The following NCAPD2 variants were observed in gnomAD, a reference collection of about 807,000 sequenced individuals.
NCAPD2 encodes non-SMC condensin I complex subunit D2.
In NCAPD2, 100 loss-of-function variants were observed where a neutral mutation model predicts 164.5. That is an observed-to-expected ratio of 0.61 (90% confidence interval 0.52 to 0.72). NCAPD2 has a LOEUF of 0.72. NCAPD2 is among the 30% of genes least tolerant of loss of function. The pLI, the probability that NCAPD2 is intolerant of heterozygous loss-of-function variation, is 0.00. For missense variants in NCAPD2, 1,560 were observed against 1,749.2 expected, an observed-to-expected ratio of 0.89 and a Z score of 1.93; for synonymous variants, 585 against 642.6, an observed-to-expected ratio of 0.91 and a Z score of 1.36.
chr12:6,518,503 A>ATTT (rs1565544079), intron 13 of NCAPD2, among the ~76,000 whole-genome samples: 1 of 30,712 alleles, frequency 3.3e-5, no homozygotes, highest in African/African-American at 2.0e-4. Context: ...GCCGTCAACA[A>ATTT]GTTTTTTTTT....
chr12:6,521,524 G>C (rs1003641662), intron 14 of NCAPD2, among the ~76,000 whole-genome samples: 1 of 151,752 alleles, frequency 6.6e-6, no homozygotes, highest in Non-Finnish European at 1.5e-5. Flanking sequence ...CTCTACAAGG[G>C]ATACCAAAAA....
chr12:6,501,227 ATTTTTTTTTTTTTTT>A (rs71067121), intron 2 of NCAPD2, among the ~76,000 whole-genome samples: 68 of 69,216 alleles, frequency 9.8e-4, no homozygotes, highest in Non-Finnish European at 1.4e-3. Flanking sequence ...CGCCTGGCTA[ATTTTTTTTTTTTTTT>A]TTTTTTTTTT....
chr12:6,524,356 A>G (rs1464581907), intron 17 of NCAPD2, among the ~76,000 whole-genome samples: 1 of 152,074 alleles, frequency 6.6e-6, no homozygotes, highest in Admixed American at 6.6e-5. Context: ...ATTATCTGGA[A>G]AAGACCAGGC....
At chr12:6,524,754 T>C (rs1946300503) in intron 17 of NCAPD2, among the ~76,000 whole-genome samples, 1 of 152,174 alleles carries the variant, frequency 6.6e-6, no homozygotes, top group Non-Finnish European at 1.5e-5. Context: ...TCTAGGACTT[T>C]AACTGTGTTA....
intron 2 of NCAPD2, among the ~76,000 whole-genome samples, chr12:6,504,223 A>ACATATATATATACACATATATATATACAT (rs1565539624): frequency 2.6e-4 from 7 of 26,680 alleles, no homozygotes; most frequent in African/African-American, 2.1e-3. Context: ...ATATAGATAT[A>ACATATATATATACACATATATATATACAT]GATATATATA....
At chr12:6,530,177 CTTGT>C (rs1277725219) in intron 29 of NCAPD2, among the ~76,000 whole-genome samples, 17 of 152,198 alleles carry the variant, frequency 1.1e-4, no homozygotes, top group East Asian at 3.8e-4. Flanking sequence ...TCATCCAATT[CTTGT>C]TTGTTTGTTT....
In NCAPD2 at chr12:6,526,937, G is replaced by A. The variant is rs985744674; in HGVS notation, c.2781G>A (p.Leu927=). The change falls in exon 22 of 32, where the codon CTG becomes CTA. Residue 927 remains leucine (L), a synonymous_variant. Coordinates refer to ENST00000315579, the MANE Select transcript of NCAPD2 (RefSeq NM_014865.4). The part of the protein sequence containing the change: ...MLPTFLLMNL[L]SLAGDVALQQ... ...CCACTTTCCTGTTGATGAACCTGCT[G>A]TCCCTGGCTGGGGATGTGGCTCTGC... 6.2e-7 allele frequency: 1 copy of A among 1,614,128 alleles called. No individual in the cohort carries two copies. The highest frequency in any genetic ancestry group is 1.7e-5 in the Admixed American group (1 of 60,024).
chr12:6,526,045 A>T (rs780091413), intron 18 of NCAPD2, 23 bp from the exon 19 acceptor site: 1 of 1,612,152 alleles, frequency 6.2e-7, no homozygotes, highest in Non-Finnish European at 8.5e-7. Context: ...ACTGCCTTTA[A>T]CTCTGTGGCT....
rs188255602 is a variant in NCAPD2, at chr12:6,519,382, A to G, written c.1589+1423A>G. ...TTGTTTGTTTTTGAGACAGAATCTC[A>G]CTGTTGCCCAGGCTGGAGTACAGTA... On this transcript the variant is annotated intron_variant, in intron 13 of 31. Coordinates refer to ENST00000315579, the MANE Select transcript of NCAPD2 (RefSeq NM_014865.4). Among the ~76,000 whole-genome samples, 447 of 150,392 alleles carry G rather than the reference A, an allele frequency of 3.0e-3. 2 individuals are homozygous for G. The highest frequency in any genetic ancestry group is 9.5e-3 in the African/African-American group (388 of 40,948).
chr12:6,525,086 C>A (rs1310653255), intron 17 of NCAPD2, among the ~76,000 whole-genome samples: 1 of 152,128 alleles, frequency 6.6e-6, no homozygotes, highest in African/African-American at 2.4e-5. Flanking sequence ...AGGGGCTGGA[C>A]TTGAGGATTG....
intron 2 of NCAPD2, among the ~76,000 whole-genome samples, chr12:6,504,216 T>TATATATATATAC (rs1406807438): frequency 8.6e-5 from 2 of 23,212 alleles, no homozygotes; most frequent in Admixed American, 5.8e-4. Context: ...TATATATATA[T>TATATATATATAC]AGATATAGAT....
At position 6,530,983 on chromosome 12, in the gene NCAPD2, C is replaced by A. The variant is rs759914474; in HGVS notation, c.4027C>A (p.Arg1343Ser). 6.2e-7 allele frequency: 1 copy of A among 1,614,184 alleles called. No homozygotes were observed. Among genetic ancestry groups the A allele is most frequent in the African/African-American group, 1.3e-5 (1 of 75,040 alleles). Residue 1343 changes from arginine to serine, a missense_variant, in exon 31 of 32, where the codon CGC (arginine) becomes AGC (serine). By Grantham distance (110) the Arg-to-Ser change is moderately radical (BLOSUM62 -1). Transcript: ENST00000315579. ...CAATGACTTTGTCACACCAGAGCCC[C>A]GCCGTACTACCCGTCGGCATCCAAA... Reference protein sequence around the residue: ...SDNDFVTPEPRRTTRRHPNTQ... With the variant: ...SDNDFVTPEPSRTTRRHPNTQ...
chr12:6,502,416 G>A (rs1414479597), intron 2 of NCAPD2, among the ~76,000 whole-genome samples: 5 of 152,172 alleles, frequency 3.3e-5, no homozygotes, highest in Admixed American at 2.0e-4. Flanking sequence ...AGAAGAAAAC[G>A]AATAGACTTG....
At chr12:6,513,445 G>A (rs1045266207) in intron 6 of NCAPD2, among the ~76,000 whole-genome samples, 9 of 152,074 alleles carry the variant, frequency 5.9e-5, no homozygotes, top group Non-Finnish European at 1.3e-4. Flanking sequence ...CTATGAGGAG[G>A]TCAAGGATGC....
At chr12:6,496,492 A>G (rs1177958010) in intron 2 of NCAPD2, among the ~76,000 whole-genome samples, 3 of 152,036 alleles carry the variant, frequency 2.0e-5, no homozygotes, top group Non-Finnish European at 4.4e-5. Context: ...TGGCATGATC[A>G]CGGCTCACTG....
chr12:6,503,937 C>T (rs1339272031), intron 2 of NCAPD2, among the ~76,000 whole-genome samples: 1 of 151,918 alleles, frequency 6.6e-6, no homozygotes. Flanking sequence ...AACATCATGC[C>T]ACTGCACTCC....
chr12:6,530,261 C>T (rs759590790), intron 29 of NCAPD2, among the ~76,000 whole-genome samples: 1 of 152,146 alleles, frequency 6.6e-6, no homozygotes, highest in East Asian at 1.9e-4. Context: ...CAGGGAGTTC[C>T]CTTCTACCCC....
intron 2 of NCAPD2, among the ~76,000 whole-genome samples, chr12:6,496,132 AC>A (rs2137033563): frequency 6.7e-6 from 1 of 148,246 alleles, no homozygotes; most frequent in East Asian, 2.0e-4. Flanking sequence ...ATATCGGCTC[AC>A]CACAACCTCT....
chr12:6,508,496 A>G (rs1946117084), intron 2 of NCAPD2, among the ~76,000 whole-genome samples: 1 of 152,220 alleles, frequency 6.6e-6, no homozygotes. Context: ...TTCTGCTATA[A>G]ATAAGTGAAT....
Sources: allele counts gnomAD v4.1 joint callset (sites outside exome capture counted in the v4.1 genomes callset), GRCh38; gene constraint gnomAD v4.1.1; transcripts MANE v1.5; gene names NCBI Gene and HGNC (gene_info 2026-07-23, HGNC 2026-07-21).